The following ZBTB20 variants were observed in gnomAD, a reference collection of about 807,000 sequenced individuals.
The protein encoded by ZBTB20 is zinc finger and BTB domain containing 20.
ZBTB20 carries 9 observed loss-of-function variants against 56.9 expected under a neutral mutation model. That is an observed-to-expected ratio of 0.16 (90% CI 0.10 to 0.28). The LOEUF is 0.28. ZBTB20 is among the 10% of genes least tolerant of loss of function. The probability of loss-of-function intolerance (pLI) is 1.00; values close to 1 mark genes in which losing one functional copy is unlikely to be tolerated. For synonymous variants in ZBTB20, 417 were observed against 420.7 expected, an observed-to-expected ratio of 0.99 and a Z score of 0.11; for missense variants, 655 against 1,003.0, an observed-to-expected ratio of 0.65 and a Z score of 4.69.
At chr3:114,570,077 T>G (rs918309460) in intron 6 of ZBTB20, among the ~76,000 whole-genome samples, 5 of 152,156 alleles carry the variant, frequency 3.3e-5, no homozygotes, top group African/African-American at 1.2e-4. Flanking sequence ...TTTCTCAACA[T>G]GTATTTTGAG....
intron 7 of ZBTB20, among the ~76,000 whole-genome samples, chr3:114,497,135 T>C (rs2043370501): frequency 6.6e-6 from 1 of 152,234 alleles, no homozygotes; most frequent in Non-Finnish European, 1.5e-5. Flanking sequence ...AAGGTTAATG[T>C]CTATTTCAAC....
chr3:114,439,465 C>G (rs987581249), intron 7 of ZBTB20, among the ~76,000 whole-genome samples: 4 of 152,164 alleles, frequency 2.6e-5, no homozygotes, highest in African/African-American at 9.7e-5. Context: ...TGACTTCACT[C>G]TCCATGGAAG....
intron 7 of ZBTB20, among the ~76,000 whole-genome samples, chr3:114,464,805 G>C (rs930569993): frequency 6.6e-6 from 1 of 152,074 alleles, no homozygotes; most frequent in African/African-American, 2.4e-5. Context: ...ATTTTCATGA[G>C]ACTTTTGGTT....
intron 3 of ZBTB20, among the ~76,000 whole-genome samples, chr3:114,911,416 G>A (rs2075532544): frequency 6.6e-6 from 1 of 151,932 alleles, no homozygotes; most frequent in African/African-American, 2.4e-5. Context: ...CCTCTTGGCT[G>A]CTCTCTCAGA....
intron 7 of ZBTB20, among the ~76,000 whole-genome samples, chr3:114,427,364 G>C (rs1000954985): frequency 1.3e-5 from 2 of 152,142 alleles, no homozygotes; most frequent in African/African-American, 4.8e-5. Flanking sequence ...ACATCAGCAG[G>C]AATACACCAA....
intron 6 of ZBTB20, among the ~76,000 whole-genome samples, chr3:114,631,914 A>G (rs2058980457): frequency 6.6e-6 from 1 of 152,170 alleles, no homozygotes; most frequent in Non-Finnish European, 1.5e-5. Context: ...TAAGAAGGGA[A>G]CAGGTGCTTT....
intron 6 of ZBTB20, among the ~76,000 whole-genome samples, chr3:114,540,284 A>G (rs1388157236): frequency 6.6e-6 from 1 of 152,132 alleles, no homozygotes; most frequent in Non-Finnish European, 1.5e-5. Flanking sequence ...GTGCACATAA[A>G]CTAGAAAATC....
At chr3:115,042,913 C>G (rs1460294704) in intron 2 of ZBTB20, among the ~76,000 whole-genome samples, 1 of 152,288 alleles carries the variant, frequency 6.6e-6, no homozygotes. Flanking sequence ...AGAAAGGGGA[C>G]TAATATCTTT....
intron 3 of ZBTB20, among the ~76,000 whole-genome samples, chr3:114,958,685 T>C (rs2077335787): frequency 1.3e-5 from 2 of 151,672 alleles, no homozygotes; most frequent in African/African-American, 2.4e-5. Context: ...CCATTTCTAC[T>C]AAAAATACAA....
intron 6 of ZBTB20, among the ~76,000 whole-genome samples, chr3:114,580,141 G>A (rs1320552922): frequency 6.6e-6 from 1 of 151,468 alleles, no homozygotes; most frequent in African/African-American, 2.4e-5. Context: ...AAACTCAATA[G>A]TAGATTAAAA....
intron 5 of ZBTB20, among the ~76,000 whole-genome samples, chr3:114,714,897 A>T (rs1313511265): frequency 1.3e-5 from 2 of 152,234 alleles, no homozygotes. Flanking sequence ...AAAGATAGAC[A>T]GACCAACAAT....
rs79886997 is a variant in ZBTB20, at chr3:115,088,380, G to A, written c.-702-16966C>T. On this transcript the variant is annotated intron_variant, in intron 1 of 11. Coordinates refer to ENST00000675478, the MANE Select transcript of ZBTB20 (RefSeq NM_001348800.3). Reference sequence around the variant, plus strand: ...CCAATAAACTTGTAAGTCTGCTAAAGACAAGACCATAACCCTGGTTAGAGA... The same window carrying A: ...CCAATAAACTTGTAAGTCTGCTAAAAACAAGACCATAACCCTGGTTAGAGA... Among the ~76,000 whole-genome samples the A allele has an allele frequency of 4.8e-3, 724 of 151,776 alleles. 4 individuals carry two copies. Among genetic ancestry groups the A allele is most frequent in the African/African-American group, 0.017 (694 of 41,474 alleles).
chr3:114,960,946 G>A (rs1327485443), intron 3 of ZBTB20, among the ~76,000 whole-genome samples: 2 of 152,106 alleles, frequency 1.3e-5, no homozygotes, highest in Non-Finnish European at 2.9e-5. Flanking sequence ...TAAGGAAGGA[G>A]TGGTCAGCAA....
intron 2 of ZBTB20, among the ~76,000 whole-genome samples, chr3:115,048,211 C>A (rs527290370): frequency 6.6e-6 from 1 of 151,906 alleles, no homozygotes; most frequent in African/African-American, 2.4e-5. Flanking sequence ...GGCGACAGAG[C>A]GAGACTCTGT....
chr3:115,016,841 G>A (rs933039164), intron 2 of ZBTB20, among the ~76,000 whole-genome samples: 6 of 151,232 alleles, frequency 4.0e-5, no homozygotes, highest in East Asian at 2.0e-4. Flanking sequence ...ATCCCTTCAC[G>A]TTAAAAACTC....
chr3:114,515,539 T>C (rs72952554), intron 6 of ZBTB20, among the ~76,000 whole-genome samples: 2,876 of 152,298 alleles, frequency 0.019, 97 homozygotes, highest in African/African-American at 0.065. Context: ...TTGCTCCTAG[T>C]CAGTTTCCTT....
chr3:114,606,443 C>A (rs1173874532), intron 6 of ZBTB20, among the ~76,000 whole-genome samples: 1 of 152,068 alleles, frequency 6.6e-6, no homozygotes, highest in African/African-American at 2.4e-5. Flanking sequence ...CAAATGTCAA[C>A]TTCCTTAAGG....
intron 7 of ZBTB20, among the ~76,000 whole-genome samples, chr3:114,495,428 T>C (rs1384064701): frequency 6.6e-6 from 1 of 151,510 alleles, no homozygotes; most frequent in African/African-American, 2.4e-5. Context: ...GTCCCTGAGG[T>C]GTGTATCAGT....
rs145084330 is a variant in ZBTB20, at chr3:114,910,717, G to A, written c.-455-10375C>T. On this transcript the variant is annotated intron_variant, in intron 3 of 11. Coordinates refer to ENST00000675478, the MANE Select transcript of ZBTB20 (RefSeq NM_001348800.3). ...AAAATGATGCTCAAAAAAAATAAAT[G>A]GGCTCAAAGTCATAAAATTAATAAG... is the stretch of plus-strand genomic sequence containing the variant. Among the ~76,000 whole-genome samples the A allele has an allele frequency of 1.3e-4, 19 of 151,800 alleles. No homozygotes were observed. In the East Asian group the frequency reaches 3.1e-3, roughly 25 times the overall value.
Sources: allele counts gnomAD v4.1 joint callset (sites outside exome capture counted in the v4.1 genomes callset), GRCh38; gene constraint gnomAD v4.1.1; transcripts MANE v1.5; gene names NCBI Gene and HGNC (gene_info 2026-07-23, HGNC 2026-07-21).